The following EBF1 variants were observed in gnomAD, a reference collection of about 807,000 sequenced individuals.
The protein encoded by EBF1 is transcription factor COE1.
A neutral mutation model predicts 68.4 loss-of-function variants in EBF1; 10 were observed. The ratio of observed to expected loss-of-function variants is 0.15; its 90% CI spans 0.09 to 0.25. The LOEUF is 0.25. Ranked by LOEUF, EBF1 falls within the 10% of genes least tolerant of loss-of-function variation. The pLI is 1.00. For missense variants in EBF1, 509 were observed against 794.4 expected (o/e 0.64, Z 4.32); for synonymous variants, 298 against 299.8 (o/e 0.99, Z 0.06).
chr5:159,050,821 G>T (rs927089884), intron 6 of EBF1, among the ~76,000 whole-genome samples: 11 of 152,278 alleles, frequency 7.2e-5, no homozygotes, highest in Admixed American at 6.5e-5. Flanking sequence ...GGGAGTAGTG[G>T]GTACAAAGCT....
At chr5:158,825,326 A>G (rs531388971) in intron 7 of EBF1, among the ~76,000 whole-genome samples, 3 of 152,350 alleles carry the variant, frequency 2.0e-5, no homozygotes, top group Admixed American at 6.5e-5. Flanking sequence ...TTACAATTAC[A>G]TAACAGAGCT....
At chr5:158,830,982 C>T (rs545082903) in intron 7 of EBF1, among the ~76,000 whole-genome samples, 1 of 152,312 alleles carries the variant, frequency 6.6e-6, no homozygotes, top group East Asian at 1.9e-4. Flanking sequence ...GATACATGTG[C>T]TAAGCTAATC....
chr5:158,983,413 T>C (rs1223741604), intron 6 of EBF1: 1 of 152,168 alleles, frequency 6.6e-6, no homozygotes, highest in Non-Finnish European at 1.5e-5. Flanking sequence ...CATCCACTCG[T>C]GGAGGCAGGA....
intron 4 of EBF1, among the ~76,000 whole-genome samples, chr5:159,088,386 G>A (rs1362061120): frequency 6.6e-6 from 1 of 152,102 alleles, no homozygotes; most frequent in Admixed American, 6.6e-5. Flanking sequence ...TCTACATTTA[G>A]CATACACATC....
chr5:159,099,226 C>A lies in EBF1; in HGVS notation c.134+119G>T, dbSNP rs1275467317. 7 of 752,766 alleles carry A rather than the reference C, an allele frequency of 9.3e-6. No homozygotes were observed. The African/African-American group carries it at 1.1e-4, about 12-fold the overall frequency. 46.6% of individuals were successfully genotyped at this position (752,766 alleles called of 1,614,324 possible). ...CCCGGCGGAGAGCGGAGCGCAGCGG[C>A]TGCGGACTCACCCCGCCGCCCGGCC... On this transcript the variant is annotated intron_variant, in intron 1 of 15. Coordinates refer to ENST00000313708, the MANE Select transcript of EBF1 (RefSeq NM_024007.5).
intron 8 of EBF1, among the ~76,000 whole-genome samples, chr5:158,822,497 C>G (rs1055841574): frequency 6.6e-6 from 1 of 152,136 alleles, no homozygotes. Flanking sequence ...TTCCTTCAGT[C>G]CTCTCAAAGG....
chr5:158,880,108 G>A (rs544415355), intron 6 of EBF1, among the ~76,000 whole-genome samples: 3 of 152,248 alleles, frequency 2.0e-5, no homozygotes, highest in South Asian at 4.1e-4. Flanking sequence ...TTCGCAAATC[G>A]CCCCACGGCC....
intron 8 of EBF1, among the ~76,000 whole-genome samples, chr5:158,812,026 A>G (rs1178929948): frequency 2.0e-5 from 3 of 152,168 alleles, no homozygotes; most frequent in African/African-American, 7.2e-5. Context: ...CCATCATTGC[A>G]GTTTAAATCA....
At chr5:158,953,295 T>C in intron 6 of EBF1, among the ~76,000 whole-genome samples, 1 of 152,266 alleles carries the variant, frequency 6.6e-6, no homozygotes, top group East Asian at 1.9e-4. Flanking sequence ...TAATTGCTCC[T>C]TTCTTCTTCA....
chr5:159,068,903 T>C (rs1025352681), intron 6 of EBF1, among the ~76,000 whole-genome samples: 3 of 152,094 alleles, frequency 2.0e-5, no homozygotes, highest in Non-Finnish European at 4.4e-5. Context: ...TTTTACAAAA[T>C]TTGTGTATTT....
chr5:158,849,465 C>T (rs1474390492), intron 6 of EBF1, among the ~76,000 whole-genome samples: 1 of 152,168 alleles, frequency 6.6e-6, no homozygotes, highest in African/African-American at 2.4e-5. Flanking sequence ...ATGTACTGAG[C>T]TCATGAAACC....
chr5:158,886,445 A>T (rs1417104085), intron 6 of EBF1, among the ~76,000 whole-genome samples: 1 of 152,228 alleles, frequency 6.6e-6, no homozygotes, highest in Non-Finnish European at 1.5e-5. Flanking sequence ...ATTCACAAAT[A>T]CATTCTTTAG....
rs2127487860 is a variant in EBF1, at chr5:158,712,167, G to A, written c.1536C>T (p.Asn512=). The A allele has an allele frequency of 1.9e-6, 3 of 1,613,858 alleles. No homozygotes were observed. Among genetic ancestry groups the A allele is most frequent in the Non-Finnish European group, 2.5e-6 (3 of 1,179,916 alleles). Residue 512 remains asparagine (N), a synonymous_variant, in exon 14 of 16, where the codon AAC becomes AAT. Transcript: ENST00000313708. ...ATCTCTACTTACTGGCATAGGGGGA[G>A]TTGGCAGCTGAGCCGTTGAGGAAGG... ...SPTFLNGSAA[N]SPYAIVPSSP...
At chr5:158,993,114 G>C (rs2127616277) in intron 6 of EBF1, among the ~76,000 whole-genome samples, 1 of 147,482 alleles carries the variant, frequency 6.8e-6, no homozygotes, top group African/African-American at 2.5e-5. Flanking sequence ...TATTTTAGTA[G>C]AGATGGGGTT....
chr5:158,832,383 C>T (rs1787774753), intron 7 of EBF1, among the ~76,000 whole-genome samples: 1 of 152,346 alleles, frequency 6.6e-6, no homozygotes, highest in Non-Finnish European at 1.5e-5. Flanking sequence ...GGTTGAAAAT[C>T]ACCATTTGTA....
intron 6 of EBF1, among the ~76,000 whole-genome samples, chr5:159,072,988 A>G (rs1362411400): frequency 6.6e-6 from 1 of 151,986 alleles, no homozygotes; most frequent in Non-Finnish European, 1.5e-5. Context: ...ATTACGTCCA[A>G]CAGAACTACT....
chr5:158,712,680 G>A (rs1172548113), intron 13 of EBF1, among the ~76,000 whole-genome samples: 1 of 152,072 alleles, frequency 6.6e-6, no homozygotes, highest in East Asian at 1.9e-4. Context: ...TGTGCTTTGG[G>A]CCCTCAAAAC....
chr5:159,050,432 C>A (rs929316879), intron 6 of EBF1, among the ~76,000 whole-genome samples: 2 of 152,110 alleles, frequency 1.3e-5, no homozygotes, highest in Non-Finnish European at 2.9e-5. Context: ...CAAGAGGAGA[C>A]AACAATAAAT....
rs538311062 is a variant in EBF1 at position 158,961,180 on chromosome 5, C to T, written c.554+112216G>A. The stretch of plus-strand genomic sequence containing the variant: ...GTTTCTAAATGAGGTCCTTTGAGGA[C>T]GCCAGTGAACTGCACTGTCTTAACA... On this transcript the variant is annotated intron_variant, in intron 6 of 15. Transcript: ENST00000313708. Among the ~76,000 whole-genome samples, 10 of 152,246 alleles carry T rather than the reference C, an allele frequency of 6.6e-5. No homozygotes were observed. In the East Asian group the frequency reaches 7.7e-4, roughly 12 times the overall value.
Sources: allele counts gnomAD v4.1 joint callset (sites outside exome capture counted in the v4.1 genomes callset), GRCh38; gene constraint gnomAD v4.1.1; transcripts MANE v1.5; gene names NCBI Gene and HGNC (gene_info 2026-07-23, HGNC 2026-07-21).